The following NDRG1 variants were observed in gnomAD, a reference collection of about 807,000 sequenced individuals.
NDRG1 encodes protein NDRG1.
Under a neutral mutation model 56.9 loss-of-function variants are expected in NDRG1, and 32 were observed. The observed-to-expected ratio is 0.56, with a 90% confidence interval of 0.42 to 0.76. The LOEUF (loss-of-function observed/expected upper bound fraction) is 0.76, where lower values mean the gene tolerates loss of function less well. NDRG1 is among the 30% of genes least tolerant of loss of function. The pLI is 0.00. For missense variants in NDRG1, 507 were observed against 545.7 expected (o/e 0.93, Z 0.71); for synonymous variants, 211 against 204.1 (o/e 1.03, Z -0.29).
At chr8:133,286,092 G>A (rs1425310746) in intron 1 of NDRG1, among the ~76,000 whole-genome samples, 1 of 152,174 alleles carries the variant, frequency 6.6e-6, no homozygotes, top group Admixed American at 6.5e-5. Context: ...GTGGGTTCAA[G>A]CAGTCCTATC....
At chr8:133,296,365 C>T (rs1858759643) in intron 1 of NDRG1, 33 of 418,896 alleles carry the variant, frequency 7.9e-5, no homozygotes, top group South Asian at 5.3e-4. Context: ...GGTCACTTCT[C>T]CCACGCCGCC....
At chr8:133,281,629 G>A (rs931671296) in intron 2 of NDRG1, among the ~76,000 whole-genome samples, 1 of 152,096 alleles carries the variant, frequency 6.6e-6, no homozygotes, top group African/African-American at 2.4e-5. Context: ...AAAACAAGAC[G>A]GCTCAGCAGA....
chr8:133,296,606 C>T (rs1858778913), intron 1 of NDRG1: 1 of 453,112 alleles, frequency 2.2e-6, no homozygotes, highest in Admixed American at 2.4e-5. Flanking sequence ...CACCCACGCC[C>T]CCCTCTCCAG....
chr8:133,284,284 G>C lies in NDRG1; in HGVS notation c.28C>G (p.Leu10Val). 1 of 1,614,142 alleles carries C rather than the reference G, an allele frequency of 6.2e-7. No homozygotes were observed. The highest frequency in any genetic ancestry group is 8.5e-7 in the Non-Finnish European group (1 of 1,180,034). MSREMQDVD[L>V]AEVKPLVEKG... ...TCCACCAAAGGCTTCACCTCAGCGA[G>C]GTCTACATCCTGCATCTCCCGAGAC... Residue 10 changes from leucine to valine, a missense_variant, in exon 2 of 16, where the codon CTC (leucine) becomes GTC (valine). Coordinates refer to ENST00000323851, the MANE Select transcript of NDRG1 (RefSeq NM_006096.4).
At chr8:133,264,993 G>A in intron 3 of NDRG1, 1 of 371,082 alleles carries the variant, frequency 2.7e-6, no homozygotes, top group Non-Finnish European at 5.2e-6. Flanking sequence ...TTGCTTCCTT[G>A]CCCTCAGGCC....
intron 1 of NDRG1, among the ~76,000 whole-genome samples, chr8:133,287,617 A>G (rs1858191311): frequency 6.6e-6 from 1 of 152,196 alleles, no homozygotes; most frequent in Non-Finnish European, 1.5e-5. Flanking sequence ...TCTGGACAGC[A>G]TCCAGGACAG....
intron 3 of NDRG1, 133 bp downstream of exon 3, chr8:133,280,099 C>A (rs1265357975): frequency 1.9e-6 from 2 of 1,062,348 alleles, no homozygotes; most frequent in East Asian, 2.6e-5. Flanking sequence ...GGGTGAGGAC[C>A]TAGCTGAGAC....
rs1858829006 is a variant in NDRG1, at chr8:133,297,161, G to A, written c.-46C>T. 1 of 152,352 alleles carries A rather than the reference G, an allele frequency of 6.6e-6. No individual in the cohort carries two copies. Among genetic ancestry groups the A allele is most frequent in the African/African-American group, 2.4e-5 (1 of 41,460 alleles). 9.4% of individuals were successfully genotyped at this position (152,352 alleles called of 1,614,324 possible). On this transcript the variant is annotated 5_prime_UTR_variant, in exon 1 of 16. Coordinates refer to ENST00000323851, the MANE Select transcript of NDRG1 (RefSeq NM_006096.4). ...AACGCGAGGGAGAAAGGAAAGGACG[G>A]TGCCGAGGCTGGCGGCCCAGCGCCC...
At chr8:133,264,342 T>C (rs1856805172) in intron 4 of NDRG1, among the ~76,000 whole-genome samples, 1 of 152,234 alleles carries the variant, frequency 6.6e-6, no homozygotes. Context: ...TCCCAGCGCC[T>C]CCGGGCACAC....
intron 1 of NDRG1, among the ~76,000 whole-genome samples, chr8:133,286,827 G>A (rs1003339145): frequency 1.2e-4 from 19 of 152,192 alleles, no homozygotes; most frequent in African/African-American, 4.1e-4. Flanking sequence ...GAAGTCTGCC[G>A]GGAGACTGGA....
In NDRG1 at chr8:133,262,072, CCTG is replaced by C. The variant is rs1586446208; in HGVS notation, c.298_300del (p.Gln100del). ...CCTGCGGGGAAGGAGGCTGCGCCGT[CCTG>C]CTGGCCAGGGGCGTCCACGTGGCAG... On this transcript the variant is annotated inframe_deletion, in exon 5 of 16. Coordinates refer to ENST00000323851, the MANE Select transcript of NDRG1 (RefSeq NM_006096.4). 6.2e-7 allele frequency: 1 copy of C among 1,613,900 alleles called. No individual in the cohort carries two copies. Among genetic ancestry groups the C allele is most frequent in the South Asian group, 1.1e-5 (1 of 91,080 alleles).
At chr8:133,243,862 C>A (rs533518392) in intron 14 of NDRG1, among the ~76,000 whole-genome samples, 1 of 152,198 alleles carries the variant, frequency 6.6e-6, no homozygotes, top group South Asian at 2.1e-4. Flanking sequence ...AGTTACGTAG[C>A]AAACACATTA....
chr8:133,277,338 T>C (rs1483063945), intron 3 of NDRG1, among the ~76,000 whole-genome samples: 2 of 152,036 alleles, frequency 1.3e-5, no homozygotes, highest in Admixed American at 1.3e-4. Context: ...CTGAGGCAGG[T>C]AGATCACTTG....
intron 14 of NDRG1, among the ~76,000 whole-genome samples, chr8:133,242,685 GTGGAAAGAAAAGGATGGA>G (rs1423770193): frequency 6.7e-6 from 1 of 148,802 alleles, no homozygotes; most frequent in African/African-American, 2.5e-5. Flanking sequence ...AGATGGATGG[GTGGAAAGAAAAGGATGGA>G]TGGAAAGAAG....
At chr8:133,269,346 T>G (rs1455751792) in intron 3 of NDRG1, among the ~76,000 whole-genome samples, 1 of 152,104 alleles carries the variant, frequency 6.6e-6, no homozygotes, top group Non-Finnish European at 1.5e-5. Flanking sequence ...GACAAGAGGA[T>G]GAAAAGACAA....
At chr8:133,239,185 G>T in intron 15 of NDRG1, 66 bp from the exon 16 acceptor site, 6 of 1,545,030 alleles carry the variant, frequency 3.9e-6, no homozygotes, top group Non-Finnish European at 5.2e-6. Flanking sequence ...AGGCATGCCC[G>T]TCCACCAGCC....
chr8:133,287,130 T>C (rs1353823347), intron 1 of NDRG1, among the ~76,000 whole-genome samples: 1 of 152,126 alleles, frequency 6.6e-6, no homozygotes, highest in Admixed American at 6.5e-5. Context: ...GGAGCTTTTA[T>C]CCAAAGGAAA....
intron 14 of NDRG1, among the ~76,000 whole-genome samples, chr8:133,242,410 A>T (rs1855436498): frequency 6.6e-6 from 1 of 152,224 alleles, no homozygotes; most frequent in South Asian, 2.1e-4. Context: ...ACATAACTGC[A>T]TCGGCATCAT....
intron 9 of NDRG1, 111 bp downstream of exon 9, chr8:133,254,428 C>A: frequency 2.8e-6 from 3 of 1,066,066 alleles, no homozygotes; most frequent in African/African-American, 1.6e-5. Flanking sequence ...GCTCGGTGGC[C>A]CCCAGTTGAT....
Sources: allele counts gnomAD v4.1 joint callset (sites outside exome capture counted in the v4.1 genomes callset), GRCh38; gene constraint gnomAD v4.1.1; transcripts MANE v1.5; gene names NCBI Gene and HGNC (gene_info 2026-07-23, HGNC 2026-07-21).